Variants in CEP152 observed in about 807,000 individuals in gnomAD.
CEP152 encodes centrosomal protein 152.
CEP152 carries 132 observed loss-of-function variants against 188.9 expected under a neutral mutation model. The observed-to-expected ratio is 0.70, with a 90% CI of 0.61 to 0.81. The LOEUF (loss-of-function observed/expected upper bound fraction) is 0.81. CEP152 is among the 30% of genes least tolerant of loss of function. The pLI is 0.00. For synonymous variants in CEP152, 649 were observed against 666.6 expected (o/e 0.97, Z 0.41); for missense variants, 1,914 against 1,969.8 (o/e 0.97, Z 0.54).
intron 1 of CEP152, among the ~76,000 whole-genome samples, chr15:48,809,427 T>C (rs2140945786): frequency 6.6e-6 from 1 of 152,242 alleles, no homozygotes; most frequent in Non-Finnish European, 1.5e-5. Context: ...ATAAATTCCG[T>C]AGTAGATGAA....
chr15:48,743,500 C>T (rs1893165420), intron 24 of CEP152, among the ~76,000 whole-genome samples: 1 of 152,140 alleles, frequency 6.6e-6, no homozygotes, highest in African/African-American at 2.4e-5. Flanking sequence ...AAATTTATAG[C>T]TATGAGAAAT....
At chr15:48,744,470 A>T in intron 23 of CEP152, 127 bp from the exon 24 acceptor site, 1 of 1,480,308 alleles carries the variant, frequency 6.8e-7, no homozygotes, top group South Asian at 1.2e-5. Flanking sequence ...ATCTAGAACA[A>T]TCTCCACTAT....
intron 20 of CEP152, among the ~76,000 whole-genome samples, chr15:48,755,157 T>A (rs16961550): frequency 0.035 from 5,292 of 152,240 alleles, 114 homozygotes; most frequent in Middle Eastern, 0.044. Context: ...GAAACTTTCA[T>A]ACAAATTAAA....
chr15:48,742,458 G>A (rs904083680), intron 24 of CEP152, among the ~76,000 whole-genome samples: 1 of 152,064 alleles, frequency 6.6e-6, no homozygotes, highest in African/African-American at 2.4e-5. Context: ...GTTAGGAAAA[G>A]AGAAAAATAA....
At chr15:48,754,438 A>C (rs1182437496) in intron 20 of CEP152, among the ~76,000 whole-genome samples, 2 of 152,226 alleles carry the variant, frequency 1.3e-5, no homozygotes, top group East Asian at 3.8e-4. Context: ...AAAGCATGTA[A>C]ACATGATTTT....
At chr15:48,749,688 T>A (rs1893735347) in intron 21 of CEP152, among the ~76,000 whole-genome samples, 1 of 150,512 alleles carries the variant, frequency 6.6e-6, no homozygotes, top group Non-Finnish European at 1.5e-5. Context: ...TAAAAAAAAA[T>A]GAAGGTGGAA....
At chr15:48,741,468 G>A in intron 26 of CEP152, 133 bp downstream of exon 26, 3 of 1,554,062 alleles carry the variant, frequency 1.9e-6, no homozygotes, top group African/African-American at 1.4e-5. Flanking sequence ...TAAACTTCTA[G>A]TTTAAGTAAA....
downstream of CEP152, among the ~76,000 whole-genome samples, chr15:48,735,538 C>G (rs768303637): frequency 6.6e-6 from 1 of 152,128 alleles, no homozygotes; most frequent in African/African-American, 2.4e-5. Context: ...AGTTCAAGAA[C>G]AGCCTTGCCA....
At chr15:48,755,595 C>T (rs987511324) in intron 20 of CEP152, among the ~76,000 whole-genome samples, 1 of 152,070 alleles carries the variant, frequency 6.6e-6, no homozygotes, top group Admixed American at 6.6e-5. Context: ...GTTTGCTGCA[C>T]CTATCAACCT....
At chr15:48,790,000 T>C (rs1481279533) in intron 8 of CEP152, among the ~76,000 whole-genome samples, 1 of 152,240 alleles carries the variant, frequency 6.6e-6, no homozygotes, top group Non-Finnish European at 1.5e-5. Context: ...TAAAAAAGAT[T>C]ACAAAGTTAT....
intron 21 of CEP152, among the ~76,000 whole-genome samples, chr15:48,749,837 G>GA (rs199631011): frequency 3.2e-4 from 46 of 145,588 alleles, no homozygotes; most frequent in Non-Finnish European, 4.3e-4. Flanking sequence ...TACTGGAAGA[G>GA]AAAAAAAAAA....
chr15:48,802,300 C>T (rs1402915277), intron 2 of CEP152, among the ~76,000 whole-genome samples: 2 of 152,236 alleles, frequency 1.3e-5, no homozygotes, highest in East Asian at 3.9e-4. Flanking sequence ...CAAGTATTAC[C>T]AGCAGCTCTC....
At chr15:48,766,778 A>G in intron 17 of CEP152, among the ~76,000 whole-genome samples, 1 of 150,298 alleles carries the variant, frequency 6.7e-6, no homozygotes, top group Admixed American at 6.6e-5. Context: ...ATTTAAAGTG[A>G]CACTGATCCT....
rs1892701759 is a variant in CEP152 at position 48,738,238 on chromosome 15, C to T, written c.*11G>A. 1.2e-6 allele frequency: 2 copies of T among 1,606,906 alleles called. No homozygotes were observed. The highest frequency in any genetic ancestry group is 8.5e-7 in the Non-Finnish European group (1 of 1,175,698). On this transcript the variant is annotated 3_prime_UTR_variant, in exon 27 of 27. Transcript: ENST00000380950. ...ATATATTAATGATTCTTCTTAAATA[C>T]TGTACCATAATTAGTCTAGATTAAC...
chr15:48,761,496 T>A (rs145333356), intron 18 of CEP152, among the ~76,000 whole-genome samples: 1 of 152,304 alleles, frequency 6.6e-6, no homozygotes, highest in East Asian at 1.9e-4. Flanking sequence ...AGGTCAAAAC[T>A]TTTTCCAAAA....
chr15:48,735,063 CA>C (rs1419679336), downstream of CEP152, among the ~76,000 whole-genome samples: 1 of 152,178 alleles, frequency 6.6e-6, no homozygotes, highest in Non-Finnish European at 1.5e-5. Context: ...GCAGAATATA[CA>C]TTCTTTTCAG....
At chr15:48,789,060 T>C (rs1277161164) in intron 8 of CEP152, 59 bp from the exon 9 acceptor site, 1 of 1,447,284 alleles carries the variant, frequency 6.9e-7, no homozygotes, top group African/African-American at 1.4e-5. Flanking sequence ...TTTAGCTCTG[T>C]GCTGTCTATA....
downstream of CEP152, among the ~76,000 whole-genome samples, chr15:48,733,122 T>C (rs1892481675): frequency 1.3e-5 from 2 of 152,276 alleles, no homozygotes; most frequent in African/African-American, 4.8e-5. Flanking sequence ...GATGTTTTTG[T>C]ATCCATTAAC....
intron 2 of CEP152, among the ~76,000 whole-genome samples, chr15:48,799,577 C>A (rs377363700): frequency 3.8e-4 from 58 of 152,054 alleles, no homozygotes; most frequent in African/African-American, 1.4e-3. Flanking sequence ...AATCTTTTAA[C>A]GCTAACATTA....
Sources: gnomAD v4.1 joint callset for allele counts (sites outside exome capture counted in the v4.1 genomes callset) on GRCh38, gnomAD v4.1.1 for gene constraint, MANE v1.5 for transcripts, NCBI Gene and HGNC (gene_info 2026-07-23, HGNC 2026-07-21) for gene names.